STAC: variants seen among roughly 807,000 people sequenced by gnomAD.
STAC encodes SH3 and cysteine rich domain.
A neutral mutation model predicts 48.8 loss-of-function variants in STAC; 43 were observed. The ratio of observed to expected loss-of-function variants is 0.88; its 90% confidence interval spans 0.69 to 1.14. The LOEUF is 1.14. Ranked by LOEUF, STAC falls within the 50% of genes most tolerant of loss-of-function variation. The pLI is 0.00. For missense variants in STAC, 497 were observed against 504.0 expected, an observed-to-expected ratio of 0.99 and a Z score of 0.13; for synonymous variants, 193 against 179.5, an observed-to-expected ratio of 1.07 and a Z score of -0.60.
At chr3:36,524,818 GGCCTAGAT>G (rs1191929824) in intron 8 of STAC, among the ~76,000 whole-genome samples, 1 of 152,004 alleles carries the variant, frequency 6.6e-6, no homozygotes, top group Admixed American at 6.5e-5. Context: ...CAGATTTGCT[GGCCTAGAT>G]GTTAGAGAGT....
At chr3:36,418,990 T>C (rs1266069011) in intron 1 of STAC, among the ~76,000 whole-genome samples, 2 of 144,604 alleles carry the variant, frequency 1.4e-5, no homozygotes, top group Non-Finnish European at 3.0e-5. Context: ...GAGGTTGCAG[T>C]GAGCCGAGAT....
At chr3:36,440,313 C>T (rs1696307846) in intron 1 of STAC, among the ~76,000 whole-genome samples, 1 of 152,216 alleles carries the variant, frequency 6.6e-6, no homozygotes, top group African/African-American at 2.4e-5. Context: ...AATTTAATGA[C>T]TTAGAACACC....
intron 2 of STAC, among the ~76,000 whole-genome samples, chr3:36,474,388 T>C (rs1438617719): frequency 6.6e-6 from 1 of 152,234 alleles, no homozygotes; most frequent in Non-Finnish European, 1.5e-5. Context: ...TGGTTACATA[T>C]ACATATTTTA....
chr3:36,382,886 A>T (rs1699541094), intron 1 of STAC, among the ~76,000 whole-genome samples: 1 of 152,222 alleles, frequency 6.6e-6, no homozygotes, highest in Non-Finnish European at 1.5e-5. Context: ...AGTAATATGC[A>T]TTCCATCTTA....
At chr3:36,451,756 G>T (rs1275137801) in intron 2 of STAC, among the ~76,000 whole-genome samples, 1 of 152,142 alleles carries the variant, frequency 6.6e-6, no homozygotes, top group Non-Finnish European at 1.5e-5. Context: ...TTTGTGTTGG[G>T]AATATTTCAA....
At chr3:36,457,312 T>A (rs868240689) in intron 2 of STAC, among the ~76,000 whole-genome samples, 81 of 152,310 alleles carry the variant, frequency 5.3e-4, no homozygotes, top group African/African-American at 1.8e-3. Context: ...CTTCTCTCAA[T>A]CTAAGTGTCT....
chr3:36,483,053 C>T lies in STAC; in HGVS notation c.450C>T (p.Cys150=), dbSNP rs200527904. ...GTAAGATGAGCATCCACCACAAGTGCACAGATGGCCTGGCACCCCAGCGGT... is the reference window on the plus strand; with the variant it reads ...GTAAGATGAGCATCCACCACAAGTGTACAGATGGCCTGGCACCCCAGCGGT... The part of the protein sequence containing the change: ...KACKMSIHHK[C]TDGLAPQRCM... Residue 150 remains cysteine (C), a synonymous_variant, in exon 3 of 11, where the codon TGC becomes TGT. Transcript: ENST00000273183. 1.2e-6 allele frequency: 2 copies of T among 1,614,176 alleles called. No homozygotes were observed. Among genetic ancestry groups the T allele is most frequent in the Non-Finnish European group, 1.7e-6 (2 of 1,180,008 alleles).
chr3:36,508,010 T>C (rs546710897), intron 8 of STAC, among the ~76,000 whole-genome samples: 10 of 152,202 alleles, frequency 6.6e-5, no homozygotes, highest in Non-Finnish European at 1.0e-4. Flanking sequence ...AATTGTGATG[T>C]TAGGGTATCG....
chr3:36,423,424 A>C (rs1263637649), intron 1 of STAC, among the ~76,000 whole-genome samples: 1 of 151,598 alleles, frequency 6.6e-6, no homozygotes, highest in East Asian at 1.9e-4. Flanking sequence ...TTCAATAAGA[A>C]ATAAATTAAA....
intron 2 of STAC, among the ~76,000 whole-genome samples, chr3:36,448,592 G>A (rs1696586316): frequency 6.6e-6 from 1 of 152,190 alleles, no homozygotes; most frequent in Non-Finnish European, 1.5e-5. Context: ...TGACCCAGCA[G>A]ATAAGGAATG....
chr3:36,416,091 T>G (rs139014748), intron 1 of STAC, among the ~76,000 whole-genome samples: 170 of 152,332 alleles, frequency 1.1e-3, no homozygotes, highest in African/African-American at 3.8e-3. Context: ...TGTAATATAA[T>G]TTTTATTGCA....
At chr3:36,439,423 G>A (rs1171349590) in intron 1 of STAC, among the ~76,000 whole-genome samples, 2 of 152,082 alleles carry the variant, frequency 1.3e-5, no homozygotes, top group Non-Finnish European at 1.5e-5. Flanking sequence ...GACAGGGTGG[G>A]TGTTATTCTG....
At chr3:36,432,396 G>T (rs1293201676) in intron 1 of STAC, among the ~76,000 whole-genome samples, 1 of 152,126 alleles carries the variant, frequency 6.6e-6, no homozygotes, top group Non-Finnish European at 1.5e-5. Context: ...TGCACACAAA[G>T]GGAGCCTTAA....
chr3:36,390,551 T>C (rs946883400), intron 1 of STAC, among the ~76,000 whole-genome samples: 1 of 150,076 alleles, frequency 6.7e-6, no homozygotes, highest in East Asian at 2.0e-4. Flanking sequence ...CTGGAACAAG[T>C]CCTGCTTGGC....
chr3:36,484,893 A>G, intron 3 of STAC, 84 bp from the exon 4 acceptor site: 1 of 1,089,000 alleles, frequency 9.2e-7, no homozygotes, highest in Non-Finnish European at 1.3e-6. Flanking sequence ...TGGAGAAACC[A>G]ATTGGTTTTA....
intron 1 of STAC, among the ~76,000 whole-genome samples, chr3:36,381,612 G>A (rs904015854): frequency 6.6e-6 from 1 of 152,210 alleles, no homozygotes; most frequent in African/African-American, 2.4e-5. Context: ...TGGGGAATGT[G>A]AGGCAGTCCG....
intron 1 of STAC, among the ~76,000 whole-genome samples, chr3:36,419,611 A>T (rs1700401430): frequency 6.6e-6 from 1 of 152,232 alleles, no homozygotes; most frequent in Admixed American, 6.5e-5. Flanking sequence ...GGGGAATTCA[A>T]CGGGCTTGAA....
At position 36,443,544 on chromosome 3, in the gene STAC, A is replaced by AG. The variant is rs761072049; in HGVS notation, c.295dup (p.Ala99GlyfsTer24). 1.2e-5 allele frequency: 20 copies of AG among 1,614,178 alleles called. No individual in the cohort carries two copies. The highest frequency in any genetic ancestry group is 1.6e-5 in the Non-Finnish European group (19 of 1,180,024). ...AGGAAGCCTGACGTCCACACCCGCC[A>AG]GGGCTGGTCTGCATCCAGGTGGCAA... is the stretch of plus-strand genomic sequence containing the variant. On this transcript the variant is annotated frameshift_variant, in exon 2 of 11. Coordinates refer to ENST00000273183, the MANE Select transcript of STAC (RefSeq NM_003149.3). LOFTEE classifies it high-confidence loss of function. The surrounding 1 kb of genome is among the most constrained non-coding windows in gnomAD (Gnocchi z 4.2).
intron 1 of STAC, among the ~76,000 whole-genome samples, chr3:36,395,855 A>C (rs902924080): frequency 6.6e-6 from 1 of 152,140 alleles, no homozygotes; most frequent in Non-Finnish European, 1.5e-5. Flanking sequence ...TAGCAAGAAG[A>C]TAGCAGCAAG....
Sources: gnomAD v4.1 joint callset for allele counts (sites outside exome capture counted in the v4.1 genomes callset) on GRCh38, gnomAD v4.1.1 for gene constraint, Gnocchi (gnomAD v3.1) non-coding constraint, MANE v1.5 for transcripts, NCBI Gene and HGNC (gene_info 2026-07-23, HGNC 2026-07-21) for gene names.